MPP7: variants seen among roughly 807,000 people sequenced by gnomAD.
MPP7 encodes the protein MAGUK p55 scaffold protein 7.
Under a neutral mutation model 76.5 loss-of-function variants are expected in MPP7, and 60 were observed. The observed-to-expected ratio is 0.78, with a 90% CI of 0.64 to 0.97. MPP7 has a LOEUF of 0.97. Ranked by LOEUF, MPP7 falls within the 50% of genes least tolerant of loss-of-function variation. The pLI, the probability that MPP7 is intolerant of heterozygous loss-of-function variation, is 0.00. For missense variants in MPP7, 641 were observed against 694.0 expected (o/e 0.92, Z 0.86); for synonymous variants, 237 against 244.5 (o/e 0.97, Z 0.29).
intron 1 of MPP7, among the ~76,000 whole-genome samples, chr10:28,274,106 T>C (rs1259364152): frequency 1.4e-5 from 2 of 146,230 alleles, no homozygotes; most frequent in East Asian, 2.0e-4. Context: ...TTTTTCTTTT[T>C]TTTTTTTTTT....
chr10:28,075,263 G>T (rs781697055), intron 12 of MPP7, among the ~76,000 whole-genome samples: 2 of 151,932 alleles, frequency 1.3e-5, no homozygotes, highest in African/African-American at 2.4e-5. Flanking sequence ...ATGAAATTTG[G>T]GTGGGGACAC....
chr10:28,212,459 G>A (rs1014545749), intron 2 of MPP7, among the ~76,000 whole-genome samples: 27 of 152,172 alleles, frequency 1.8e-4, no homozygotes, highest in African/African-American at 5.1e-4. Context: ...TTGGAATGTC[G>A]ATTGGATACC....
In MPP7 at chr10:28,211,444, CAT is replaced by C. The variant is rs59909463; in HGVS notation, c.38-9175_38-9174del. 3.6e-3 allele frequency among the ~76,000 whole-genome samples: 541 copies of C among 149,584 alleles called. 1 individual carries two copies. Among genetic ancestry groups the C allele is most frequent in the Non-Finnish European group, 5.2e-3 (351 of 67,498 alleles). On this transcript the variant is annotated intron_variant, in intron 2 of 16. Coordinates refer to ENST00000683449, the MANE Select transcript of MPP7 (RefSeq NM_001318170.2). ...AGTTGTCTTGCAGTATATTTTTTGC[CAT>C]ATATATATATATATATAGAGAGAGA...
intron 11 of MPP7, among the ~76,000 whole-genome samples, chr10:28,092,368 T>C (rs556229754): frequency 9.9e-5 from 15 of 152,262 alleles, no homozygotes; most frequent in African/African-American, 3.6e-4. Context: ...GGGTGTCTTA[T>C]AAGACAAGAG....
intron 2 of MPP7, among the ~76,000 whole-genome samples, chr10:28,233,869 C>T (rs931819475): frequency 6.7e-6 from 1 of 150,306 alleles, no homozygotes; most frequent in Non-Finnish European, 1.5e-5. Context: ...TACCCCATCT[C>T]TACCAAGAAG....
intron 5 of MPP7, 132 bp from the exon 6 acceptor site, chr10:28,131,823 G>T (rs1026665710): frequency 6.6e-6 from 2 of 304,252 alleles, no homozygotes; most frequent in African/African-American, 2.3e-5. Context: ...ACATAGTAGT[G>T]GTAATAAGAC....
At chr10:28,116,672 G>A (rs1016916743) in intron 11 of MPP7, among the ~76,000 whole-genome samples, 2 of 152,018 alleles carry the variant, frequency 1.3e-5, no homozygotes, top group African/African-American at 4.8e-5. Flanking sequence ...AATAGGGGGA[G>A]GAGACAAGTC....
rs756280880 is a variant in MPP7 at position 28,120,678 on chromosome 10, G to A, written c.616-10C>T. 1.9e-5 allele frequency: 30 copies of A among 1,609,614 alleles called. 1 individual carries two copies. On this transcript the variant is annotated splice_polypyrimidine_tract_variant and intron_variant, in intron 8 of 16. Coordinates refer to ENST00000683449, the MANE Select transcript of MPP7 (RefSeq NM_001318170.2). ...CTCCCTGAGACTGAGCCTGGTAACA[G>A]ATAAAACAAGGAGTTATAAGAAAAC...
intron 1 of MPP7, among the ~76,000 whole-genome samples, chr10:28,257,396 C>A (rs1329150650): frequency 1.3e-5 from 2 of 151,786 alleles, no homozygotes; most frequent in Non-Finnish European, 2.9e-5. Flanking sequence ...CCAAAGAAAA[C>A]CTTCTCAGAT....
At chr10:28,331,779 T>C (rs1479149359) in intron 1 of MPP7, among the ~76,000 whole-genome samples, 2 of 152,124 alleles carry the variant, frequency 1.3e-5, no homozygotes, top group Non-Finnish European at 2.9e-5. Context: ...TTCACCATAT[T>C]GGCCAGGCTG....
chr10:28,282,978 G>A (rs372717754), intron 1 of MPP7, among the ~76,000 whole-genome samples: 11 of 151,846 alleles, frequency 7.2e-5, no homozygotes, highest in Admixed American at 1.3e-4. Flanking sequence ...TGTCAGTTGC[G>A]CACAGTGGAA....
At chr10:28,171,533 T>C (rs760633044) in intron 3 of MPP7, among the ~76,000 whole-genome samples, 4 of 152,158 alleles carry the variant, frequency 2.6e-5, no homozygotes, top group African/African-American at 4.8e-5. Context: ...AAAGTGAAAA[T>C]ATGCTAAACT....
chr10:28,320,597 C>T lies in MPP7; in HGVS notation c.-132+9332G>A, dbSNP rs113076198. 2.1e-3 allele frequency among the ~76,000 whole-genome samples: 326 copies of T among 152,112 alleles called. 3 individuals are homozygous for T. The highest frequency in any genetic ancestry group is 7.2e-3 in the African/African-American group (299 of 41,488). On this transcript the variant is annotated intron_variant, in intron 2 of 11. Coordinates refer to the MPP7 transcript ENST00000441595. ...ATAAAACTATCGAAGTGACCGAGTA[C>T]TTATCAACAGTGGAAGGGGGGTCAA...
At chr10:28,232,358 A>AACACACAC (rs3064135) in intron 2 of MPP7, among the ~76,000 whole-genome samples, 141 of 147,464 alleles carry the variant, frequency 9.6e-4, no homozygotes, top group East Asian at 4.7e-3. Flanking sequence ...TGTCTCTTAA[A>AACACACAC]ACACACACAC....
At chr10:28,231,472 C>CTT (rs1838880134) in intron 2 of MPP7, among the ~76,000 whole-genome samples, 2 of 149,998 alleles carry the variant, frequency 1.3e-5, no homozygotes, top group Non-Finnish European at 3.0e-5. Flanking sequence ...TCTAAAAAGA[C>CTT]TAATAGAATT....
At chr10:28,066,723 A>G (rs1403210374) in intron 13 of MPP7, among the ~76,000 whole-genome samples, 6 of 152,166 alleles carry the variant, frequency 3.9e-5, no homozygotes, top group Non-Finnish European at 7.3e-5. Flanking sequence ...AACAGCACAC[A>G]TGAATGTTGC....
At chr10:28,323,529 T>C (rs1834385581) in intron 2 of MPP7, among the ~76,000 whole-genome samples, 1 of 151,590 alleles carries the variant, frequency 6.6e-6, no homozygotes, top group Admixed American at 6.6e-5. Flanking sequence ...GTTCTAAGCT[T>C]AGGAAAAATT....
intron 1 of MPP7, among the ~76,000 whole-genome samples, chr10:28,263,295 T>C (rs1397042860): frequency 6.6e-6 from 1 of 152,170 alleles, no homozygotes; most frequent in Non-Finnish European, 1.5e-5. Context: ...AAATGAGGAA[T>C]GTGACCTGAT....
At position 28,175,133 on chromosome 10, in the gene MPP7, T is replaced by C. The variant is rs114177563; in HGVS notation, c.157-25074A>G. On this transcript the variant is annotated intron_variant, in intron 3 of 16. Transcript: ENST00000683449. ...GGCAAAACCCCATCTCTACTAAAAA[T>C]CCATAAATCAGTTGGGCGTGGTGAT... Among the ~76,000 whole-genome samples the C allele has an allele frequency of 5.4e-3, 817 of 151,984 alleles. 8 individuals carry two copies. Among genetic ancestry groups the C allele is most frequent in the African/African-American group, 0.018 (764 of 41,438 alleles).
Sources: allele counts gnomAD v4.1 joint callset (sites outside exome capture counted in the v4.1 genomes callset), GRCh38; gene constraint gnomAD v4.1.1; transcripts MANE v1.5; gene names NCBI Gene and HGNC (gene_info 2026-07-23, HGNC 2026-07-21).